Variants in RBFOX1 observed in about 807,000 individuals in gnomAD.
RBFOX1 encodes RNA binding protein fox-1 homolog 1.
Under a neutral mutation model 57.7 loss-of-function variants are expected in RBFOX1, and 8 were observed. That is an observed-to-expected ratio of 0.14 (90% CI 0.08 to 0.25). RBFOX1 has a LOEUF of 0.25. Among genes scored for constraint, RBFOX1 ranks in the 10% least tolerant of loss-of-function variants. RBFOX1 has a pLI of 1.00. For synonymous variants in RBFOX1, 326 were observed against 222.4 expected, an observed-to-expected ratio of 1.47 and a Z score of -4.15; for missense variants, 611 against 548.5, an observed-to-expected ratio of 1.11 and a Z score of -1.14.
chr16:6,560,283 A>G (rs2097163096), intron 2 of RBFOX1, among the ~76,000 whole-genome samples: 1 of 151,996 alleles, frequency 6.6e-6, no homozygotes, highest in Admixed American at 6.6e-5. Flanking sequence ...TTAGAACATG[A>G]GCAGTGCTAT....
intron 3 of RBFOX1, among the ~76,000 whole-genome samples, chr16:5,796,921 A>T (rs973529288): frequency 2.6e-5 from 4 of 152,196 alleles, no homozygotes; most frequent in Middle Eastern, 3.2e-3. Flanking sequence ...TTTATTGAGG[A>T]TCTACTTTGT....
chr16:6,936,653 C>G (rs575377041), intron 3 of RBFOX1, among the ~76,000 whole-genome samples: 2 of 152,062 alleles, frequency 1.3e-5, no homozygotes, highest in African/African-American at 4.8e-5. Flanking sequence ...ATGACTATGA[C>G]CGCTATTTCA....
At chr16:6,637,427 ATAT>A (rs1432871992) in intron 2 of RBFOX1, among the ~76,000 whole-genome samples, 2 of 12,652 alleles carry the variant, frequency 1.6e-4, no homozygotes, top group African/African-American at 2.1e-4. Context: ...ATATATAAAT[ATAT>A]TATATAAATA....
At chr16:6,613,735 G>C (rs984079132) in intron 2 of RBFOX1, among the ~76,000 whole-genome samples, 2 of 152,216 alleles carry the variant, frequency 1.3e-5, no homozygotes, top group Non-Finnish European at 2.9e-5. Context: ...CCAAGCGTTT[G>C]AGACCGGCCT....
At chr16:6,980,830 G>A (rs1484652003) in intron 3 of RBFOX1, among the ~76,000 whole-genome samples, 3 of 151,950 alleles carry the variant, frequency 2.0e-5, no homozygotes, top group African/African-American at 4.8e-5. Context: ...ATCACTTCAG[G>A]TCAGGAGTTC....
At chr16:7,206,102 A>G (rs961010835) in intron 4 of RBFOX1, among the ~76,000 whole-genome samples, 13 of 152,224 alleles carry the variant, frequency 8.5e-5, no homozygotes, top group Non-Finnish European at 1.8e-4. Flanking sequence ...GGTTTAGGGA[A>G]GTGCTTACCT....
At chr16:6,311,473 G>A (rs1236426876) in intron 1 of RBFOX1, among the ~76,000 whole-genome samples, 2 of 152,122 alleles carry the variant, frequency 1.3e-5, no homozygotes, top group Admixed American at 1.3e-4. Context: ...TGATGTTGGA[G>A]AATCCGCTCC....
At chr16:6,554,833 G>C (rs1190758469) in intron 2 of RBFOX1, among the ~76,000 whole-genome samples, 2 of 149,186 alleles carry the variant, frequency 1.3e-5, no homozygotes, top group East Asian at 1.9e-4. Flanking sequence ...GACACACACA[G>C]ACTCTCCCTC....
chr16:5,652,139 A>T (rs750893254), intron 3 of RBFOX1, among the ~76,000 whole-genome samples: 1 of 152,182 alleles, frequency 6.6e-6, no homozygotes, highest in Non-Finnish European at 1.5e-5. Context: ...ATCTAAAAAA[A>T]ATTATACTTT....
intron 1 of RBFOX1, among the ~76,000 whole-genome samples, chr16:5,446,152 C>A (rs1276889441): frequency 6.6e-6 from 1 of 152,122 alleles, no homozygotes; most frequent in African/African-American, 2.4e-5. Context: ...ATGGAAGTAA[C>A]AATTCCAGCT....
At chr16:6,546,318 C>T (rs2096894761) in intron 2 of RBFOX1, among the ~76,000 whole-genome samples, 2 of 152,138 alleles carry the variant, frequency 1.3e-5, no homozygotes, top group African/African-American at 2.4e-5. Context: ...GCACAAAGAC[C>T]TTGTAAGATA....
chr16:6,686,901 T>A (rs1262835747), intron 3 of RBFOX1, among the ~76,000 whole-genome samples: 2 of 152,230 alleles, frequency 1.3e-5, no homozygotes, highest in Non-Finnish European at 2.9e-5. Context: ...AAGAAATGCT[T>A]TTGATTAATT....
chr16:6,806,862 C>T (rs1319700527), intron 3 of RBFOX1, among the ~76,000 whole-genome samples: 2 of 56,614 alleles, frequency 3.5e-5, no homozygotes, highest in Admixed American at 4.5e-4. Context: ...GAGAGAAAGT[C>T]TTGCTCTGTT....
At chr16:6,255,741 A>G (rs1398857863) in intron 1 of RBFOX1, among the ~76,000 whole-genome samples, 1 of 152,098 alleles carries the variant, frequency 6.6e-6, no homozygotes, top group South Asian at 2.1e-4. Context: ...TGTCCTTTGC[A>G]GGGACATGGA....
At chr16:5,628,133 G>A (rs1288244975) in intron 3 of RBFOX1, among the ~76,000 whole-genome samples, 2 of 152,098 alleles carry the variant, frequency 1.3e-5, no homozygotes, top group Non-Finnish European at 2.9e-5. Flanking sequence ...TAGAGTTTTG[G>A]TGCTGGCTCA....
At chr16:5,718,212 T>C (rs1469062633) in intron 3 of RBFOX1, among the ~76,000 whole-genome samples, 1 of 152,242 alleles carries the variant, frequency 6.6e-6, no homozygotes, top group Non-Finnish European at 1.5e-5. Context: ...AGATTCAGTC[T>C]ATCTTAATAG....
intron 1 of RBFOX1, among the ~76,000 whole-genome samples, chr16:6,095,829 CTG>C (rs1321496100): frequency 6.6e-5 from 10 of 152,180 alleles, no homozygotes; most frequent in African/African-American, 2.4e-4. Flanking sequence ...CTGGTTTTCA[CTG>C]TGACAAATAT....
At chr16:6,776,315 G>A (rs1219385884) in intron 3 of RBFOX1, among the ~76,000 whole-genome samples, 3 of 152,158 alleles carry the variant, frequency 2.0e-5, no homozygotes, top group Non-Finnish European at 4.4e-5. Flanking sequence ...GGGGGCTGAG[G>A]CAGGAGAATG....
chr16:6,908,479 C>T (rs2070679001), intron 3 of RBFOX1, among the ~76,000 whole-genome samples: 1 of 152,174 alleles, frequency 6.6e-6, no homozygotes, highest in South Asian at 2.1e-4. Flanking sequence ...CCAGCATGCC[C>T]AATCCTCTAG....
Sources: gnomAD v4.1 joint callset for allele counts (sites outside exome capture counted in the v4.1 genomes callset) on GRCh38, gnomAD v4.1.1 for gene constraint, MANE v1.5 for transcripts, NCBI Gene and HGNC (gene_info 2026-07-23, HGNC 2026-07-21) for gene names.